The following NELL1 variants were observed in gnomAD, a reference collection of about 807,000 sequenced individuals.
NELL1 encodes the protein protein kinase C-binding protein NELL1.
A neutral mutation model predicts 107.4 loss-of-function variants in NELL1; 76 were observed. The ratio of observed to expected loss-of-function variants is 0.71; its 90% confidence interval spans 0.59 to 0.86. NELL1 has a LOEUF of 0.86. NELL1 is among the 40% of genes least tolerant of loss of function. The pLI is 0.00. For synonymous variants in NELL1, 353 were observed against 341.2 expected (o/e 1.03, Z -0.38); for missense variants, 1,024 against 1,005.5 (o/e 1.02, Z -0.25).
intron 12 of NELL1, among the ~76,000 whole-genome samples, chr11:21,073,453 C>T (rs143513746): frequency 6.6e-5 from 10 of 152,264 alleles, no homozygotes; most frequent in East Asian, 3.9e-4. Flanking sequence ...ACTTATCTAA[C>T]GAATGAGTTG....
Position 21,415,309 on chromosome 11 carries a change from G to A in NELL1, c.1645+44361G>A, listed in dbSNP as rs150354004. ...CGTGTCCAGAGGTGCACAGCCTGTG[G>A]TGACTACCTTGAAGCCAGTTGCCTT... On this transcript the variant is annotated intron_variant, in intron 15 of 19. Coordinates refer to ENST00000357134, the MANE Select transcript of NELL1 (RefSeq NM_006157.5). Among the ~76,000 whole-genome samples, 502 of 152,220 alleles carry A rather than the reference G, an allele frequency of 3.3e-3. 9 individuals are homozygous for A. Among genetic ancestry groups the A allele is most frequent in the African/African-American group, 0.011 (473 of 41,566 alleles).
chr11:20,946,732 A>T (rs965988496), intron 10 of NELL1, among the ~76,000 whole-genome samples: 1 of 152,144 alleles, frequency 6.6e-6, no homozygotes, highest in Admixed American at 6.5e-5. Flanking sequence ...ACACATTATA[A>T]TACTTTTATT....
At chr11:21,451,299 C>CTCT (rs1189036689) in intron 15 of NELL1, among the ~76,000 whole-genome samples, 2 of 151,878 alleles carry the variant, frequency 1.3e-5, no homozygotes, top group Admixed American at 6.6e-5. Context: ...CTTCATTAGG[C>CTCT]TCTTCTGATT....
chr11:21,197,987 GAT>G (rs1857190718), intron 13 of NELL1, among the ~76,000 whole-genome samples: 1 of 152,192 alleles, frequency 6.6e-6, no homozygotes, highest in Non-Finnish European at 1.5e-5. Context: ...CAATAATTCA[GAT>G]AGAGCCCCGC....
At chr11:20,991,693 C>T (rs1341650301) in intron 12 of NELL1, among the ~76,000 whole-genome samples, 1 of 152,152 alleles carries the variant, frequency 6.6e-6, no homozygotes, top group African/African-American at 2.4e-5. Flanking sequence ...GTCAATGCCT[C>T]CTGGCGCTGA....
Position 20,872,671 on chromosome 11 carries a change from GGTGTGTGTGTGTGT to G in NELL1, c.507-12744_507-12731del, listed in dbSNP as rs61184129. On this transcript the variant is annotated intron_variant, in intron 4 of 19. Transcript: ENST00000357134. ...TGAATGTGGAGATGCCAGTGTTTGAGGTGTGTGTGTGTGTGTGTGTGTGTGTGTGTGTGTGTGTG... is the reference window on the plus strand; with the variant it reads ...TGAATGTGGAGATGCCAGTGTTTGAGGTGTGTGTGTGTGTGTGTGTGTGTG... 9.1e-3 allele frequency among the ~76,000 whole-genome samples: 1,250 copies of G among 137,170 alleles called. 18 individuals carry two copies. Among genetic ancestry groups the G allele is most frequent in the African/African-American group, 0.031 (1,174 of 37,562 alleles). 90.0% of individuals were successfully genotyped at this position (137,170 alleles called of 152,430 possible).
At chr11:21,024,281 T>C (rs1331413170) in intron 12 of NELL1, among the ~76,000 whole-genome samples, 1 of 152,174 alleles carries the variant, frequency 6.6e-6, no homozygotes, top group African/African-American at 2.4e-5. Flanking sequence ...TAAAATCAAG[T>C]AAGCCAGAGG....
At chr11:20,928,330 A>G (rs751227684) in intron 8 of NELL1, 47 bp from the exon 9 acceptor site, 24 of 1,518,236 alleles carry the variant, frequency 1.6e-5, no homozygotes, top group Admixed American at 3.3e-5. Flanking sequence ...AACAGGAGCT[A>G]TCAAAGGATA....
At chr11:20,877,544 C>G (rs1849326468) in intron 4 of NELL1, among the ~76,000 whole-genome samples, 1 of 152,152 alleles carries the variant, frequency 6.6e-6, no homozygotes, top group South Asian at 2.1e-4. Context: ...AAATCAAGTT[C>G]TTCACAGAAT....
intron 14 of NELL1, among the ~76,000 whole-genome samples, chr11:21,350,454 C>T (rs1850783506): frequency 6.6e-6 from 1 of 152,012 alleles, no homozygotes; most frequent in Non-Finnish European, 1.5e-5. Context: ...AACTTCATTG[C>T]CCAATGCATA....
intron 13 of NELL1, among the ~76,000 whole-genome samples, chr11:21,193,678 GT>G (rs1003750970): frequency 5.9e-5 from 9 of 151,848 alleles, no homozygotes; most frequent in Non-Finnish European, 1.3e-4. Flanking sequence ...ATTCTGCAAA[GT>G]TACCAAACAC....
chr11:20,960,850 C>T (rs1851276012), intron 12 of NELL1, among the ~76,000 whole-genome samples: 1 of 152,166 alleles, frequency 6.6e-6, no homozygotes, highest in African/African-American at 2.4e-5. Context: ...ATCACTAGAT[C>T]AACCATAGAC....
intron 15 of NELL1, among the ~76,000 whole-genome samples, chr11:21,441,708 G>A (rs1853289587): frequency 1.3e-5 from 2 of 151,974 alleles, no homozygotes; most frequent in African/African-American, 2.4e-5. Context: ...ATTTATAAAT[G>A]TTAATTATCT....
At chr11:21,274,720 A>C (rs1414134351) in intron 14 of NELL1, among the ~76,000 whole-genome samples, 1 of 152,230 alleles carries the variant, frequency 6.6e-6, no homozygotes, top group Non-Finnish European at 1.5e-5. Flanking sequence ...CAGTGCAATC[A>C]AACTAGAACT....
At chr11:21,285,866 T>G (rs1291420581) in intron 14 of NELL1, among the ~76,000 whole-genome samples, 1 of 152,262 alleles carries the variant, frequency 6.6e-6, no homozygotes, top group East Asian at 1.9e-4. Context: ...GTAGTATTTT[T>G]TAAAGTTATA....
intron 12 of NELL1, among the ~76,000 whole-genome samples, chr11:20,965,839 T>C (rs1851377560): frequency 6.6e-6 from 1 of 152,062 alleles, no homozygotes; most frequent in African/African-American, 2.4e-5. Context: ...CCTAAGTGGG[T>C]AGATACTTAC....
rs982826553 is a variant in NELL1, at chr11:20,807,801, G to A, written c.335+23971G>A. Among the ~76,000 whole-genome samples the A allele has an allele frequency of 3.9e-5, 6 of 152,068 alleles. No individual in the cohort carries two copies. The South Asian group carries it at 1.2e-3, about 32-fold the overall frequency. The stretch of plus-strand genomic sequence containing the variant: ...CCAGTTTTCCTTCCCCTTTTCCCAG[G>A]TGGAGGAATCTTTTCCTCTGTCCAC... On this transcript the variant is annotated intron_variant, in intron 3 of 19. Coordinates refer to ENST00000357134, the MANE Select transcript of NELL1 (RefSeq NM_006157.5).
intron 15 of NELL1, among the ~76,000 whole-genome samples, chr11:21,451,203 G>GA (rs1235279037): frequency 4.3e-4 from 49 of 113,906 alleles, no homozygotes; most frequent in South Asian, 1.1e-3. Context: ...AAAAAAAAAA[G>GA]AAAAAAAAAA....
chr11:20,682,794 A>G (rs1347581530), intron 2 of NELL1, among the ~76,000 whole-genome samples: 1 of 152,032 alleles, frequency 6.6e-6, no homozygotes, highest in African/African-American at 2.4e-5. Context: ...TTCTGTGACT[A>G]TACACTAATT....
Sources: gnomAD v4.1 joint callset for allele counts (sites outside exome capture counted in the v4.1 genomes callset) on GRCh38, gnomAD v4.1.1 for gene constraint, MANE v1.5 for transcripts, NCBI Gene and HGNC (gene_info 2026-07-23, HGNC 2026-07-21) for gene names.